The following TAF4 variants were observed in gnomAD, a reference collection of about 807,000 sequenced individuals.
TAF4 encodes the protein transcription initiation factor TFIID subunit 4.
Under a neutral mutation model 90.3 loss-of-function variants are expected in TAF4, and 9 were observed. The ratio of observed to expected loss-of-function variants is 0.10; its 90% confidence interval spans 0.06 to 0.17. TAF4 has a LOEUF of 0.17. TAF4 is among the 10% of genes least tolerant of loss of function. The pLI, the probability that TAF4 is intolerant of heterozygous loss-of-function variation, is 1.00. For synonymous variants in TAF4, 818 were observed against 638.9 expected, an observed-to-expected ratio of 1.28 and a Z score of -4.23; for missense variants, 1,351 against 1,370.7, an observed-to-expected ratio of 0.99 and a Z score of 0.23.
intron 1 of TAF4, among the ~76,000 whole-genome samples, chr20:62,036,034 TAA>T (rs1345485499): frequency 0.03 from 3,988 of 132,754 alleles, 165 homozygotes; most frequent in African/African-American, 0.097. Flanking sequence ...TTTTTTTTTT[TAA>T]AAAAAAAAAA....
intron 14 of TAF4, chr20:61,979,252 C>T (rs2055518984): frequency 6.5e-6 from 1 of 152,706 alleles, no homozygotes; most frequent in Admixed American, 6.5e-5. Flanking sequence ...GGGCTGTGCC[C>T]ATGGTGGGCG....
At chr20:61,995,336 G>C (rs938836978) in intron 14 of TAF4, among the ~76,000 whole-genome samples, 2 of 152,176 alleles carry the variant, frequency 1.3e-5, no homozygotes, top group African/African-American at 4.8e-5. Flanking sequence ...GAACTAGATG[G>C]AAATCTTAGA....
chr20:62,032,533 G>A (rs1382902751), intron 1 of TAF4, among the ~76,000 whole-genome samples: 2 of 152,222 alleles, frequency 1.3e-5, no homozygotes, highest in Non-Finnish European at 2.9e-5. Flanking sequence ...AGAAGGCCCG[G>A]TGGCCCACCA....
rs148810934 is a variant in TAF4, at chr20:62,001,451, C to T, written c.2487-730G>A. 5.4e-4 allele frequency among the ~76,000 whole-genome samples: 83 copies of T among 152,370 alleles called. 2 individuals carry two copies. The highest frequency in any genetic ancestry group is 3.9e-4 in the Admixed American group (6 of 15,312). On this transcript the variant is annotated intron_variant, in intron 9 of 14. Coordinates refer to ENST00000252996, the MANE Select transcript of TAF4 (RefSeq NM_003185.4). ...AGGACGTCCTCTTCCAGGCTGACTTCGGCCCCCTCGTGAGGAGATGTGAGC... is the reference window on the plus strand; with the variant it reads ...AGGACGTCCTCTTCCAGGCTGACTTTGGCCCCCTCGTGAGGAGATGTGAGC...
chr20:62,004,323 C>CTTTCCTT (rs2055729161), intron 7 of TAF4, among the ~76,000 whole-genome samples: 1 of 114,002 alleles, frequency 8.8e-6, no homozygotes, highest in Non-Finnish European at 2.0e-5. Context: ...TTTTTCTTTT[C>CTTTCCTT]TTTTCTTTTT....
chr20:61,999,827 T>C lies in TAF4; in HGVS notation c.2787+297A>G, dbSNP rs140116199. ...AGTTGGGCACGGTGGTGTGCGCCTG[T>C]AATCCCAGCTACTTGGGAGGCGAAG... is the stretch of plus-strand genomic sequence containing the variant. On this transcript the variant is annotated intron_variant, in intron 11 of 14. Transcript: ENST00000252996. 1.2e-4 allele frequency among the ~76,000 whole-genome samples: 19 copies of C among 152,310 alleles called. 1 individual carries two copies. Among genetic ancestry groups the C allele is most frequent in the African/African-American group, 4.6e-4 (19 of 41,566 alleles).
intron 1 of TAF4, among the ~76,000 whole-genome samples, chr20:62,047,787 T>C (rs2181590): frequency 0.69 from 105,586 of 152,220 alleles, 36,805 homozygotes; most frequent in Middle Eastern, 0.78. Context: ...CTGGCTCCCA[T>C]CACAGGAACA....
At chr20:62,022,559 C>G (rs112240987) in intron 1 of TAF4, among the ~76,000 whole-genome samples, 318 of 152,298 alleles carry the variant, frequency 2.1e-3, no homozygotes, top group African/African-American at 7.3e-3. Context: ...ACAGAACACA[C>G]GTGGTGATGG....
chr20:61,999,528 A>G lies in TAF4; in HGVS notation c.2788-420T>C, dbSNP rs28382109. ...CCAGTGTGCCCTTGGAAGAGTGTTC[A>G]TATGTGACTGCTGGTGAGGAAGGCA... On this transcript the variant is annotated intron_variant, in intron 11 of 14. Coordinates refer to ENST00000252996, the MANE Select transcript of TAF4 (RefSeq NM_003185.4). Among the ~76,000 whole-genome samples the G allele has an allele frequency of 8.7e-3, 1,323 of 152,342 alleles. 20 individuals carry two copies. Among genetic ancestry groups the G allele is most frequent in the African/African-American group, 0.03 (1,247 of 41,578 alleles).
At chr20:62,027,535 T>G (rs770435231) in intron 1 of TAF4, among the ~76,000 whole-genome samples, 1 of 152,218 alleles carries the variant, frequency 6.6e-6, no homozygotes, top group East Asian at 1.9e-4. Flanking sequence ...ACAGGTGTGC[T>G]GTGCCTACCC....
At chr20:62,038,441 A>ATGAGCCAC (rs2055945945) in intron 1 of TAF4, among the ~76,000 whole-genome samples, 1 of 152,040 alleles carries the variant, frequency 6.6e-6, no homozygotes, top group Non-Finnish European at 1.5e-5. Flanking sequence ...GATTACAGGT[A>ATGAGCCAC]TGAGCCACTG....
chr20:62,025,757 G>A (rs1464808158), intron 1 of TAF4, among the ~76,000 whole-genome samples: 1 of 152,158 alleles, frequency 6.6e-6, no homozygotes, highest in Middle Eastern at 3.2e-3. Context: ...TGTAAGAACA[G>A]ACTACTACGC....
chr20:62,064,341 G>C (rs1050663877), intron 1 of TAF4, 110 bp downstream of exon 1: 3 of 1,198,562 alleles, frequency 2.5e-6, no homozygotes, highest in Non-Finnish European at 3.2e-6. Context: ...CTCCAGCCAC[G>C]GGCCTACGGG....
intron 12 of TAF4, among the ~76,000 whole-genome samples, chr20:61,998,560 G>C (rs1356585271): frequency 6.6e-6 from 1 of 152,138 alleles, no homozygotes; most frequent in African/African-American, 2.4e-5. Flanking sequence ...ATCAAAGCAA[G>C]TGCTCCTCCC....
intron 4 of TAF4, among the ~76,000 whole-genome samples, chr20:62,009,484 G>A (rs552233924): frequency 6.6e-6 from 1 of 152,334 alleles, no homozygotes; most frequent in South Asian, 2.1e-4. Flanking sequence ...TGACCATAAG[G>A]ACAACCTATG....
intron 14 of TAF4, among the ~76,000 whole-genome samples, chr20:61,984,532 G>C (rs1048752975): frequency 1.3e-5 from 2 of 152,234 alleles, no homozygotes; most frequent in African/African-American, 4.8e-5. Context: ...TCAGCAGGAT[G>C]AAGTGCCACC....
chr20:62,064,227 A>T, intron 1 of TAF4: 1 of 438,058 alleles, frequency 2.3e-6, no homozygotes. Flanking sequence ...CGCGGACGTC[A>T]GGGACAGCGA....
chr20:61,993,175 C>T (rs1354193366), intron 14 of TAF4, among the ~76,000 whole-genome samples: 4 of 152,214 alleles, frequency 2.6e-5, no homozygotes, highest in Non-Finnish European at 5.9e-5. Flanking sequence ...CTAAGAGCAC[C>T]GCCATCTCCA....
Position 62,006,313 on chromosome 20 carries a change from G to A in TAF4, c.2223+197C>T. The A allele has an allele frequency of 1.3e-6, 1 of 741,658 alleles. No homozygotes were observed. Among genetic ancestry groups the A allele is most frequent in the Non-Finnish European group, 1.9e-6 (1 of 536,908 alleles). 45.9% of individuals were successfully genotyped at this position (741,658 alleles called of 1,614,324 possible). A position where few individuals can be genotyped will look rare whatever the true frequency, so the allele number is the denominator to read the frequency against. The stretch of plus-strand genomic sequence containing the variant: ...GCCAACTCAACTATTTCATTTTACT[G>A]AGACAAAATACAACATCCCAGGGCC... On this transcript the variant is annotated intron_variant, in intron 7 of 14. Coordinates refer to ENST00000252996, the MANE Select transcript of TAF4 (RefSeq NM_003185.4). The surrounding 1 kb of genome is among the most constrained non-coding windows in gnomAD (Gnocchi z 7.0).
Sources: gnomAD v4.1 joint callset for allele counts (sites outside exome capture counted in the v4.1 genomes callset) on GRCh38, gnomAD v4.1.1 for gene constraint, Gnocchi (gnomAD v3.1) non-coding constraint, MANE v1.5 for transcripts, NCBI Gene and HGNC (gene_info 2026-07-23, HGNC 2026-07-21) for gene names.